The following WNK2 variants were observed in gnomAD, a reference collection of about 807,000 sequenced individuals.
WNK2 encodes serine/threonine-protein kinase WNK2.
WNK2 carries 67 observed loss-of-function variants against 192.1 expected under a neutral mutation model. The ratio of observed to expected loss-of-function variants is 0.35; its 90% CI spans 0.29 to 0.43. The LOEUF is 0.43. Ranked by LOEUF, WNK2 falls within the 20% of genes least tolerant of loss-of-function variation. The pLI, the probability that WNK2 is intolerant of heterozygous loss-of-function variation, is 1.00. For missense variants in WNK2, 2,698 were observed against 3,089.7 expected, an observed-to-expected ratio of 0.87 and a Z score of 3.01; for synonymous variants, 1,439 against 1,393.9, an observed-to-expected ratio of 1.03 and a Z score of -0.72.
intron 2 of WNK2, among the ~76,000 whole-genome samples, chr9:93,202,333 T>TGG (rs148259876): frequency 3.9e-4 from 48 of 124,260 alleles, no homozygotes; most frequent in African/African-American, 1.5e-3. Context: ...CACGTGTGTG[T>TGG]GTGTGTGTGT....
intron 19 of WNK2, among the ~76,000 whole-genome samples, chr9:93,285,676 T>C (rs1848345368): frequency 6.6e-6 from 1 of 152,194 alleles, no homozygotes; most frequent in Non-Finnish European, 1.5e-5. Context: ...TCTAACAATT[T>C]CTAAATGAGC....
intron 19 of WNK2, among the ~76,000 whole-genome samples, chr9:93,275,606 A>T (rs866369111): frequency 4.6e-5 from 7 of 152,254 alleles, no homozygotes; most frequent in Non-Finnish European, 1.0e-4. Flanking sequence ...AGCCAGATTT[A>T]AAGACAAGCA....
intron 16 of WNK2, among the ~76,000 whole-genome samples, chr9:93,264,684 C>T (rs1455026513): frequency 2.6e-5 from 4 of 152,192 alleles, no homozygotes; most frequent in African/African-American, 9.6e-5. Context: ...TTTCCTGGTG[C>T]ATCCGTGACT....
At chr9:93,195,029 A>G (rs1052186047) in intron 2 of WNK2, among the ~76,000 whole-genome samples, 1 of 152,136 alleles carries the variant, frequency 6.6e-6, no homozygotes, top group African/African-American at 2.4e-5. Context: ...AGTTAAAAAA[A>G]AAAAAAAAGT....
At chr9:93,234,742 C>A in intron 4 of WNK2, 66 bp from the exon 5 acceptor site, 1 of 1,552,312 alleles carries the variant, frequency 6.4e-7, no homozygotes, top group Non-Finnish European at 8.7e-7. Flanking sequence ...GCTCCCGGGA[C>A]ACTGGCTCCA....
intron 28 of WNK2, among the ~76,000 whole-genome samples, chr9:93,314,138 C>A (rs1203106297): frequency 1.3e-5 from 2 of 151,908 alleles, no homozygotes; most frequent in African/African-American, 4.8e-5. Context: ...AAAAATTAGC[C>A]CAGCATGGTG....
intron 4 of WNK2, among the ~76,000 whole-genome samples, chr9:93,233,015 TAAAG>T (rs1839131260): frequency 1.4e-5 from 1 of 72,138 alleles, no homozygotes; most frequent in Non-Finnish European, 3.0e-5. Flanking sequence ...GAGAGAGAAA[TAAAG>T]AAAGAAAGAA....
intron 19 of WNK2, chr9:93,268,970 C>G (rs1464027924): frequency 1.3e-6 from 2 of 1,547,614 alleles, no homozygotes; most frequent in South Asian, 2.4e-5. Flanking sequence ...TGCCCTGTTA[C>G]CCCACCAAGT....
At chr9:93,273,777 A>G (rs1374937817) in intron 19 of WNK2, among the ~76,000 whole-genome samples, 1 of 152,262 alleles carries the variant, frequency 6.6e-6, no homozygotes, top group Non-Finnish European at 1.5e-5. Context: ...TAACAAATTT[A>G]AAAGTATTGA....
chr9:93,236,286 C>T lies in WNK2; in HGVS notation c.1233+1321C>T, dbSNP rs115424459. Among the ~76,000 whole-genome samples the T allele has an allele frequency of 4.8e-3, 728 of 152,194 alleles. 8 individuals are homozygous for T. The highest frequency in any genetic ancestry group is 0.017 in the African/African-American group (688 of 41,514). ...AGCTGTCCCAGGGGCTGGTGGTGCTCCTCGACCCTGGGGGTGTACACTACT... is the reference window on the plus strand; with the variant it reads ...AGCTGTCCCAGGGGCTGGTGGTGCTTCTCGACCCTGGGGGTGTACACTACT... On this transcript the variant is annotated intron_variant, in intron 5 of 29. Coordinates refer to ENST00000427277, the MANE Select transcript of WNK2 (RefSeq NM_006648.4).
Position 93,247,680 on chromosome 9 carries a change from C to T in WNK2, c.1680C>T (p.Ser560=), listed in dbSNP as rs373494451. The T allele has an allele frequency of 2.0e-4, 314 of 1,574,394 alleles. 1 individual carries two copies. The highest frequency in any genetic ancestry group is 2.4e-4 in the Admixed American group (13 of 54,450). ...CCAAGGAGCAGCAGGATGTGGGCAG[C>T]CCGGACAAGGCCAGGGGTCCGCCGG... ...LQPKEQQDVG[S]PDKARGPPVP... The change falls in exon 8 of 30, where the codon AGC becomes AGT. Residue 560 remains serine (S), a synonymous_variant. Coordinates refer to ENST00000427277, the MANE Select transcript of WNK2 (RefSeq NM_006648.4). This position sits in a 1 kb window ranked among gnomAD's most constrained non-coding sequence, Gnocchi z 5.2.
In WNK2 at chr9:93,257,471, C is replaced by A. The variant is rs1843491586; in HGVS notation, c.2382+332C>A. Among the ~76,000 whole-genome samples the A allele has an allele frequency of 6.6e-6, 1 of 152,184 alleles. No homozygotes were observed. Among genetic ancestry groups the A allele is most frequent in the Admixed American group, 6.5e-5 (1 of 15,284 alleles). ...AGGCCATGACCTCCCTGGGGTCCTT[C>A]AGGGAGGGCGGGCAGCCCAGTACCC... On this transcript the variant is annotated intron_variant, in intron 11 of 29. Coordinates refer to ENST00000427277, the MANE Select transcript of WNK2 (RefSeq NM_006648.4). The surrounding 1 kb of genome is among the most constrained non-coding windows in gnomAD (Gnocchi z 4.7).
chr9:93,243,102 A>G (rs1281094814), intron 7 of WNK2, among the ~76,000 whole-genome samples: 1 of 152,134 alleles, frequency 6.6e-6, no homozygotes, highest in African/African-American at 2.4e-5. Context: ...GGAGGGCCCC[A>G]GGATTCTACA....
At chr9:93,228,024 T>C (rs1303138929) in intron 2 of WNK2, among the ~76,000 whole-genome samples, 3 of 152,276 alleles carry the variant, frequency 2.0e-5, no homozygotes, top group Non-Finnish European at 2.9e-5. Flanking sequence ...TGTCAACTTA[T>C]TGAATCTTTA....
Position 93,257,148 on chromosome 9 carries a change from A to G in WNK2, c.2382+9A>G. 6.2e-7 allele frequency: 1 copy of G among 1,602,414 alleles called. No individual in the cohort carries two copies. The highest frequency in any genetic ancestry group is 8.5e-7 in the Non-Finnish European group (1 of 1,177,568). On this transcript the variant is annotated intron_variant, in intron 11 of 29. Coordinates refer to ENST00000427277, the MANE Select transcript of WNK2 (RefSeq NM_006648.4). This position sits in a 1 kb window ranked among gnomAD's most constrained non-coding sequence, Gnocchi z 4.7. Reference sequence around the variant, plus strand: ...CTCAAGTCCCTCCGCAGGTAATTCTAGGTTGATGGCTGCCGTCAGTGGTGG... The same window carrying G: ...CTCAAGTCCCTCCGCAGGTAATTCTGGGTTGATGGCTGCCGTCAGTGGTGG...
intron 2 of WNK2, among the ~76,000 whole-genome samples, chr9:93,225,191 G>A: frequency 6.6e-6 from 1 of 152,192 alleles, no homozygotes; most frequent in East Asian, 1.9e-4. Context: ...GTTGAGCCCA[G>A]GAGTTCAAGA....
chr9:93,308,878 A>C, intron 28 of WNK2: 3 of 1,295,756 alleles, frequency 2.3e-6, no homozygotes. Context: ...GGGCAGCCCA[A>C]GCCCCGCACT....
At chr9:93,304,579 C>T (rs1045727557) in intron 26 of WNK2, among the ~76,000 whole-genome samples, 17 of 152,236 alleles carry the variant, frequency 1.1e-4, no homozygotes, top group Non-Finnish European at 8.8e-5. Context: ...TTTGTTCTCC[C>T]GTTGCTGCCT....
chr9:93,289,616 C>T lies in WNK2; in HGVS notation c.4862C>T (p.Pro1621Leu). Residue 1621 changes from proline to leucine, a missense_variant, in exon 20 of 30, where the codon CCC becomes CTC. Around this residue, in one of 7 missense-constraint regions of WNK2, gnomAD observed 1,098 missense variants for 1,101.0 expected, o/e 1.00. Transcript: ENST00000427277. Reference sequence around the variant, plus strand: ...TCAGGGCGTGTCCAGCTGCCCCAGCCCTTGGTGAGTAGCTGCCTTGTCCCA... The same window carrying T: ...TCAGGGCGTGTCCAGCTGCCCCAGCTCTTGGTGAGTAGCTGCCTTGTCCCA... The part of the protein sequence containing the change: ...AVSGRVQLPQ[P>L]LVEKSELAPT... 6.8e-7 allele frequency: 1 copy of T among 1,470,668 alleles called. No homozygotes were observed. The allele number at this position is 1,470,668 out of a possible 1,614,324, so 91.1% of individuals were successfully genotyped here. A position where few individuals can be genotyped will look rare whatever the true frequency, so the allele number is the denominator to read the frequency against.
Sources: gnomAD v4.1 joint callset for allele counts (sites outside exome capture counted in the v4.1 genomes callset) on GRCh38, gnomAD v4.1.1 for gene constraint, gnomAD v4.1.1 regional missense constraint, Gnocchi (gnomAD v3.1) non-coding constraint, MANE v1.5 for transcripts, NCBI Gene and HGNC (gene_info 2026-07-23, HGNC 2026-07-21) for gene names.